BET1: variants seen among roughly 807,000 people sequenced by gnomAD.
BET1 encodes BET1 homolog.
In BET1, 9 loss-of-function variants were observed where a neutral mutation model predicts 13.9. The ratio of observed to expected loss-of-function variants is 0.65; its 90% CI spans 0.39 to 1.13. BET1 has a LOEUF of 1.13. Ranked by LOEUF, BET1 falls within the 50% of genes most tolerant of loss-of-function variation. The probability of loss-of-function intolerance (pLI) is 0.01; values close to 1 mark genes in which losing one functional copy is unlikely to be tolerated. For synonymous variants in BET1, 39 were observed against 47.3 expected, an observed-to-expected ratio of 0.82 and a Z score of 0.72; for missense variants, 127 against 133.6, an observed-to-expected ratio of 0.95 and a Z score of 0.24.
At chr7:93,992,135 C>T (rs2116104974), downstream of BET1, 3 of 985,178 alleles carry the variant, frequency 3.0e-6, no homozygotes, top group Non-Finnish European at 3.6e-6. Context: ...TCAGCAGACA[C>T]AGTGATGTGA....
intron 4 of BET1, among the ~76,000 whole-genome samples, chr7:93,982,755 AAAT>A (rs1266061746): frequency 6.6e-6 from 1 of 152,150 alleles, no homozygotes; most frequent in East Asian, 1.9e-4. Flanking sequence ...GGTACACAAG[AAAT>A]AATAATAATT....
intron 5 of BET1, chr7:93,972,761 G>A (rs931022930): frequency 6.6e-6 from 1 of 151,150 alleles, no homozygotes; most frequent in African/African-American, 2.4e-5. Flanking sequence ...AGATAAAATT[G>A]AATATTTTTT....
At chr7:93,967,477 C>T (rs1795193660) in intron 6 of BET1, among the ~76,000 whole-genome samples, 1 of 151,840 alleles carries the variant, frequency 6.6e-6, no homozygotes, top group Non-Finnish European at 1.5e-5. Context: ...GATCAATTCT[C>T]ATAGGATGAG....
Position 94,004,317 on chromosome 7 carries a change from AAACACC to A in BET1, c.-107_-102del. On this transcript the variant is annotated 5_prime_UTR_variant, in exon 1 of 4. Coordinates refer to ENST00000222547, the MANE Select transcript of BET1 (RefSeq NM_005868.6). ...GCGTCTTCAGTACCAGGGCCCAGCG[AAACACC>A]AACTTCTTCCCCTAAAGCGCCACGA... is the stretch of plus-strand genomic sequence containing the variant. 1 of 1,504,650 alleles carries A rather than the reference AAACACC, an allele frequency of 6.6e-7. No individual in the cohort carries two copies. The highest frequency in any genetic ancestry group is 9.2e-7 in the Non-Finnish European group (1 of 1,082,254). 93.2% of individuals were successfully genotyped at this position (1,504,650 alleles called of 1,614,324 possible). A position where few individuals can be genotyped will look rare whatever the true frequency, so the allele number is the denominator to read the frequency against.
At chr7:94,002,344 A>G (rs1254905197) in intron 1 of BET1, among the ~76,000 whole-genome samples, 1 of 152,090 alleles carries the variant, frequency 6.6e-6, no homozygotes, top group Non-Finnish European at 1.5e-5. Flanking sequence ...TTAAAAAAAA[A>G]GAAAAGAAAA....
At chr7:93,999,353 G>T in intron 1 of BET1, 59 bp from the exon 2 acceptor site, 1 of 1,546,194 alleles carries the variant, frequency 6.5e-7, no homozygotes, top group Non-Finnish European at 8.7e-7. Context: ...AACACTGTTA[G>T]TTAGGAAAGA....
At chr7:93,996,506 C>T (rs1163217579) in intron 2 of BET1, among the ~76,000 whole-genome samples, 185 bp from the exon 3 acceptor site, 1 of 151,884 alleles carries the variant, frequency 6.6e-6, no homozygotes, top group East Asian at 1.9e-4. Context: ...AATTTCTACT[C>T]CTCCCAATTA....
chr7:93,976,183 C>T, intron 4 of BET1: 1 of 957,294 alleles, frequency 1.0e-6, no homozygotes, highest in Non-Finnish European at 1.3e-6. Flanking sequence ...AGTAAATGTA[C>T]TCTCAGAAGA....
At chr7:93,992,842 A>G (rs1795664344), downstream of BET1, 2 of 953,604 alleles carry the variant, frequency 2.1e-6, no homozygotes, top group African/African-American at 3.5e-5. Flanking sequence ...TAAGGAATAG[A>G]GATATGAACC....
chr7:93,973,030 C>T (rs779204100), intron 5 of BET1, among the ~76,000 whole-genome samples: 10 of 151,558 alleles, frequency 6.6e-5, no homozygotes, highest in African/African-American at 9.7e-5. Context: ...AATTTTGCTC[C>T]GAAATGAAAG....
At chr7:93,992,554 A>G, downstream of BET1, 2 of 985,416 alleles carry the variant, frequency 2.0e-6, no homozygotes, top group Non-Finnish European at 2.4e-6. Flanking sequence ...CACAAAGTAC[A>G]GTTAAAAACT....
intron 4 of BET1, among the ~76,000 whole-genome samples, chr7:93,977,594 A>G (rs1795361903): frequency 6.6e-6 from 1 of 152,144 alleles, no homozygotes; most frequent in Admixed American, 6.6e-5. Flanking sequence ...TATCTGGCAC[A>G]AGATTCAGAC....
chr7:93,972,804 C>A (rs988739094), intron 5 of BET1: 2 of 150,228 alleles, frequency 1.3e-5, no homozygotes, highest in Non-Finnish European at 3.0e-5. Flanking sequence ...TCAACACTTT[C>A]CTTAGGGAAA....
At chr7:93,987,260 G>A (rs1361755177) in intron 4 of BET1, 10 of 152,080 alleles carry the variant, frequency 6.6e-5, no homozygotes, top group African/African-American at 9.7e-5. Context: ...TTGAGAAGCC[G>A]AATACACAAG....
In BET1 at chr7:93,999,305, C is replaced by T; in HGVS notation, c.20-11G>A. ...GAGGTACTCCTTCACCTGCAAGGAT[C>T]AGAGTCACAAAGGTGGTTCTAGAGA... On this transcript the variant is annotated splice_polypyrimidine_tract_variant and intron_variant, in intron 1 of 3. Coordinates refer to ENST00000222547, the MANE Select transcript of BET1 (RefSeq NM_005868.6). 1 of 1,599,636 alleles carries T rather than the reference C, an allele frequency of 6.3e-7. No individual in the cohort carries two copies. Among genetic ancestry groups the T allele is most frequent in the Non-Finnish European group, 8.5e-7 (1 of 1,174,130 alleles).
chr7:93,965,412 C>T (rs889652477), exon 7 of BET1: 10 of 151,912 alleles, frequency 6.6e-5, no homozygotes, highest in Admixed American at 1.3e-4. Context: ...CCTATTTCTT[C>T]GTTTTTATAA....
At chr7:93,995,565 G>A (rs1020432086) in intron 3 of BET1, among the ~76,000 whole-genome samples, 5 of 152,054 alleles carry the variant, frequency 3.3e-5, no homozygotes, top group Admixed American at 1.3e-4. Flanking sequence ...CCCTCCTCAC[G>A]AAATTCTAAA....
chr7:93,980,926 G>A (rs1338137970), intron 4 of BET1, among the ~76,000 whole-genome samples: 2 of 152,082 alleles, frequency 1.3e-5, no homozygotes, highest in South Asian at 2.1e-4. Flanking sequence ...ATTGCAAAGC[G>A]AAAGTACACA....
rs768923163 is a variant in BET1 at position 93,994,386 on chromosome 7, C to T, written c.202-1G>A. 2.5e-6 allele frequency: 4 copies of T among 1,610,578 alleles called. No individual in the cohort carries two copies. The highest frequency in any genetic ancestry group is 2.5e-6 in the Non-Finnish European group (3 of 1,178,576). ...CAGTTGTGGAATCAAATTGTGAATC[C>T]TATCAGAGATAAAGGCAAATAAAAT... On this transcript the variant is annotated splice_acceptor_variant, in intron 3 of 3. Coordinates refer to ENST00000222547, the MANE Select transcript of BET1 (RefSeq NM_005868.6). LOFTEE classifies it high-confidence loss of function.
Sources: allele counts gnomAD v4.1 joint callset (sites outside exome capture counted in the v4.1 genomes callset), GRCh38; gene constraint gnomAD v4.1.1; transcripts MANE v1.5; gene names NCBI Gene and HGNC (gene_info 2026-07-23, HGNC 2026-07-21).